ACAD11: variants seen among roughly 807,000 people sequenced by gnomAD.
ACAD11 encodes acyl-Coenzyme A dehydrogenase family, member 11.
In ACAD11, 83 loss-of-function variants were observed where a neutral mutation model predicts 102.2. The observed-to-expected ratio is 0.81, with a 90% CI of 0.68 to 0.97. The LOEUF (loss-of-function observed/expected upper bound fraction) is 0.97. Ranked by LOEUF, ACAD11 falls within the 50% of genes least tolerant of loss-of-function variation. The pLI is 0.00. For synonymous variants in ACAD11, 324 were observed against 319.8 expected (o/e 1.01, Z -0.14); for missense variants, 901 against 951.7 (o/e 0.95, Z 0.70).
At chr3:132,562,071 G>T (rs896709212) in intron 17 of ACAD11, among the ~76,000 whole-genome samples, 2 of 152,150 alleles carry the variant, frequency 1.3e-5, no homozygotes, top group African/African-American at 4.8e-5. Context: ...CCATTTGCCT[G>T]TTGAAGGACA....
At chr3:132,567,778 A>G (rs538460981) in intron 17 of ACAD11, among the ~76,000 whole-genome samples, 1 of 152,320 alleles carries the variant, frequency 6.6e-6, no homozygotes, top group Admixed American at 6.5e-5. Flanking sequence ...CTAACATTAT[A>G]CCTAACATTC....
chr3:132,646,200 G>C (rs963468719), intron 1 of ACAD11, among the ~76,000 whole-genome samples: 17 of 152,158 alleles, frequency 1.1e-4, no homozygotes, highest in Admixed American at 1.1e-3. Flanking sequence ...TCTTGACCTC[G>C]TGATCCGCCC....
At chr3:132,605,077 A>G (rs1476822294) in intron 12 of ACAD11, 21 bp downstream of exon 12, 1 of 1,557,690 alleles carries the variant, frequency 6.4e-7, no homozygotes, top group African/African-American at 1.4e-5. Context: ...ACACAAGGAG[A>G]GAATGGTGAT....
chr3:132,630,963 C>T (rs2107865452), intron 6 of ACAD11, among the ~76,000 whole-genome samples: 1 of 151,368 alleles, frequency 6.6e-6, no homozygotes, highest in South Asian at 2.1e-4. Flanking sequence ...CCTAGCTACT[C>T]AGAAGGCTGA....
intron 17 of ACAD11, among the ~76,000 whole-genome samples, chr3:132,564,481 G>A (rs1489132555): frequency 1.3e-5 from 2 of 151,924 alleles, no homozygotes; most frequent in Admixed American, 6.6e-5. Flanking sequence ...CTTCATCTTC[G>A]GTGAGTTTTG....
intron 13 of ACAD11, among the ~76,000 whole-genome samples, chr3:132,584,501 G>A (rs987400335): frequency 6.6e-6 from 1 of 152,152 alleles, no homozygotes; most frequent in African/African-American, 2.4e-5. Flanking sequence ...GATGGGTCTT[G>A]ACTCTTTTTC....
At chr3:132,610,471 G>A (rs148300167) in intron 11 of ACAD11, among the ~76,000 whole-genome samples, 2 of 151,912 alleles carry the variant, frequency 1.3e-5, no homozygotes, top group Non-Finnish European at 2.9e-5. Flanking sequence ...TTGATAGACC[G>A]CTAGCAAGAT....
chr3:132,659,665 T>TA lies in ACAD11; in HGVS notation c.86dup (p.Asn30LysfsTer12). 1 of 1,611,496 alleles carries TA rather than the reference T, an allele frequency of 6.2e-7. No individual in the cohort carries two copies. The highest frequency in any genetic ancestry group is 8.5e-7 in the Non-Finnish European group (1 of 1,178,826). On this transcript the variant is annotated frameshift_variant, in exon 1 of 20. Coordinates refer to ENST00000264990, the MANE Select transcript of ACAD11 (RefSeq NM_032169.5). LOFTEE classifies it high-confidence loss of function. ...CCCCAAAGCCAGACAAGTGCTGGTT[T>TA]AGGTAGGCCTCCAGGGACTTGCTGT...
chr3:132,569,255 G>A (rs1345000386), intron 17 of ACAD11, among the ~76,000 whole-genome samples: 1 of 151,900 alleles, frequency 6.6e-6, no homozygotes, highest in East Asian at 1.9e-4. Flanking sequence ...TCACCAACAG[G>A]GCAACTGAGA....
intron 4 of ACAD11, among the ~76,000 whole-genome samples, chr3:132,640,641 G>T (rs551567861): frequency 6.6e-6 from 1 of 152,232 alleles, no homozygotes; most frequent in Non-Finnish European, 1.5e-5. Flanking sequence ...ATCAACCTGG[G>T]TTTAAATTAT....
intron 13 of ACAD11, among the ~76,000 whole-genome samples, chr3:132,583,505 T>C (rs1020554791): frequency 6.6e-6 from 1 of 152,202 alleles, no homozygotes; most frequent in Non-Finnish European, 1.5e-5. Flanking sequence ...AACCAGCTCC[T>C]GGATTCACTG....
intron 5 of ACAD11, among the ~76,000 whole-genome samples, chr3:132,635,634 T>C (rs1482479068): frequency 6.6e-6 from 1 of 152,170 alleles, no homozygotes; most frequent in Non-Finnish European, 1.5e-5. Flanking sequence ...CAGGGTTAGT[T>C]TGAAGATTAA....
At chr3:132,631,500 G>A (rs904193149) in intron 5 of ACAD11, 21 bp from the exon 6 acceptor site, 2 of 1,414,922 alleles carry the variant, frequency 1.4e-6, no homozygotes, top group African/African-American at 1.5e-5. Flanking sequence ...AAATAAAGAG[G>A]TCTGTAACAC....
At chr3:132,631,187 A>G (rs1330837119) in intron 6 of ACAD11, among the ~76,000 whole-genome samples, 154 bp downstream of exon 6, 1 of 152,062 alleles carries the variant, frequency 6.6e-6, no homozygotes, top group Admixed American at 6.5e-5. Flanking sequence ...TATCTTCAAC[A>G]AAAAAATAAA....
chr3:132,634,810 A>C lies in ACAD11; in HGVS notation c.703-3331T>G, dbSNP rs527986166. Among the ~76,000 whole-genome samples the C allele has an allele frequency of 2.0e-5, 3 of 151,680 alleles. No homozygotes were observed. The East Asian group carries it at 5.8e-4, about 29-fold the overall frequency. Reference sequence around the variant, plus strand: ...TTCAGCAAACTATCGCAAGGACAAAAAACCAAACACCACATGTTCTCACTC... The same window carrying C: ...TTCAGCAAACTATCGCAAGGACAAACAACCAAACACCACATGTTCTCACTC... On this transcript the variant is annotated intron_variant, in intron 5 of 19. Transcript: ENST00000264990.
At chr3:132,616,447 AGCT>A (rs1365982867) in intron 11 of ACAD11, among the ~76,000 whole-genome samples, 2 of 152,232 alleles carry the variant, frequency 1.3e-5, no homozygotes, top group Non-Finnish European at 2.9e-5. Context: ...AATGGAATAT[AGCT>A]AGCATTCTCT....
At chr3:132,591,609 G>T (rs1938077064) in intron 13 of ACAD11, among the ~76,000 whole-genome samples, 1 of 151,982 alleles carries the variant, frequency 6.6e-6, no homozygotes, top group Non-Finnish European at 1.5e-5. Flanking sequence ...AAAAATGTTG[G>T]CCGGGCATGA....
intron 10 of ACAD11, chr3:132,619,037 T>A (rs1939513567): frequency 5.6e-6 from 2 of 354,998 alleles, no homozygotes; most frequent in Non-Finnish European, 9.9e-6. Flanking sequence ...GAGAACTTCT[T>A]CTGGAATCAG....
At chr3:132,643,298 G>C (rs1940593516) in intron 2 of ACAD11, among the ~76,000 whole-genome samples, 1 of 152,206 alleles carries the variant, frequency 6.6e-6, no homozygotes, top group Non-Finnish European at 1.5e-5. Context: ...AGGGAGGCAT[G>C]TGTTTCCAGG....
Sources: gnomAD v4.1 joint callset for allele counts (sites outside exome capture counted in the v4.1 genomes callset) on GRCh38, gnomAD v4.1.1 for gene constraint, MANE v1.5 for transcripts, NCBI Gene and HGNC (gene_info 2026-07-23, HGNC 2026-07-21) for gene names.